CSMD1: variants seen among roughly 807,000 people sequenced by gnomAD.
CSMD1 encodes the protein CUB and sushi domain-containing protein 1.
A neutral mutation model predicts 417.5 loss-of-function variants in CSMD1; 213 were observed. The ratio of observed to expected loss-of-function variants is 0.51; its 90% CI spans 0.46 to 0.57. The LOEUF is 0.57. CSMD1 is among the 20% of genes least tolerant of loss of function. The probability of loss-of-function intolerance (pLI) is 0.00; values close to 1 mark genes in which losing one functional copy is unlikely to be tolerated. For synonymous variants in CSMD1, 2,862 were observed against 1,736.8 expected, an observed-to-expected ratio of 1.65 and a Z score of -16.11; for missense variants, 6,923 against 4,529.7, an observed-to-expected ratio of 1.53 and a Z score of -15.17.
intron 5 of CSMD1, among the ~76,000 whole-genome samples, chr8:3,841,170 G>C (rs753872666): frequency 2.6e-5 from 4 of 152,056 alleles, no homozygotes; most frequent in Admixed American, 6.6e-5. Context: ...GGTGGAAATT[G>C]TGTTTTTATG....
At chr8:3,697,148 CTTTT>C (rs1800598250) in intron 7 of CSMD1, among the ~76,000 whole-genome samples, 1 of 152,046 alleles carries the variant, frequency 6.6e-6, no homozygotes, top group African/African-American at 2.4e-5. Flanking sequence ...TCTAAATTGG[CTTTT>C]TTGTTTTTGA....
intron 3 of CSMD1, among the ~76,000 whole-genome samples, chr8:4,262,760 C>A (rs552748359): frequency 6.6e-6 from 1 of 152,176 alleles, no homozygotes; most frequent in Non-Finnish European, 1.5e-5. Flanking sequence ...TACTTCCTTG[C>A]AAACTCAGCT....
intron 2 of CSMD1, among the ~76,000 whole-genome samples, chr8:4,524,084 C>A (rs1327681014): frequency 6.6e-6 from 1 of 151,932 alleles, no homozygotes; most frequent in East Asian, 1.9e-4. Flanking sequence ...AACAACTAGA[C>A]TCTGGAATAG....
At chr8:4,952,608 C>A (rs1014022857) in intron 1 of CSMD1, among the ~76,000 whole-genome samples, 1 of 151,840 alleles carries the variant, frequency 6.6e-6, no homozygotes, top group African/African-American at 2.4e-5. Context: ...ATTCACAATT[C>A]ACAATTAGAG....
chr8:3,941,953 A>G (rs1347490042), intron 5 of CSMD1, among the ~76,000 whole-genome samples: 1 of 152,032 alleles, frequency 6.6e-6, no homozygotes, highest in African/African-American at 2.4e-5. Context: ...CCTCCTCTGT[A>G]TTTACAGCCC....
chr8:4,091,890 C>T (rs957673702), intron 3 of CSMD1, among the ~76,000 whole-genome samples: 13 of 152,074 alleles, frequency 8.5e-5, no homozygotes, highest in Non-Finnish European at 2.9e-5. Flanking sequence ...TTGTAAGAAC[C>T]GTACAGAGTT....
chr8:4,491,530 G>C (rs1030469819), intron 2 of CSMD1, among the ~76,000 whole-genome samples: 1 of 151,858 alleles, frequency 6.6e-6, no homozygotes, highest in African/African-American at 2.4e-5. Context: ...ACATTTCATA[G>C]TCTGTCTCCT....
chr8:3,568,219 G>A (rs145905423), intron 10 of CSMD1, among the ~76,000 whole-genome samples: 1 of 152,136 alleles, frequency 6.6e-6, no homozygotes, highest in Non-Finnish European at 1.5e-5. Context: ...TGTTGTGGAT[G>A]TTTGAGTATT....
chr8:4,819,782 G>A (rs1224270869), intron 1 of CSMD1, among the ~76,000 whole-genome samples: 2 of 152,070 alleles, frequency 1.3e-5, no homozygotes, highest in East Asian at 3.9e-4. Context: ...TGAAACAGGA[G>A]TCAATGCTAA....
At chr8:3,903,520 AC>A (rs1230135172) in intron 5 of CSMD1, among the ~76,000 whole-genome samples, 1 of 152,210 alleles carries the variant, frequency 6.6e-6, no homozygotes, top group Non-Finnish European at 1.5e-5. Context: ...ATATACAGAT[AC>A]AGTAATTGCC....
intron 50 of CSMD1, among the ~76,000 whole-genome samples, chr8:3,049,590 G>A (rs766853097): frequency 4.6e-5 from 7 of 151,264 alleles, no homozygotes; most frequent in African/African-American, 1.7e-4. Flanking sequence ...GCAGGAAGGC[G>A]TGAATGGGTG....
At chr8:3,073,806 G>C (rs1302370458) in intron 49 of CSMD1, among the ~76,000 whole-genome samples, 1 of 149,268 alleles carries the variant, frequency 6.7e-6, no homozygotes, top group Non-Finnish European at 1.5e-5. Flanking sequence ...AAAAAAAAAA[G>C]TATTCTCTAC....
chr8:4,477,308 G>A (rs1800856319), intron 2 of CSMD1, among the ~76,000 whole-genome samples: 1 of 152,146 alleles, frequency 6.6e-6, no homozygotes, highest in South Asian at 2.1e-4. Context: ...TCACCGTGGG[G>A]AAGCCGAGGC....
chr8:4,175,001 C>T (rs571644384), intron 3 of CSMD1, among the ~76,000 whole-genome samples: 1 of 151,576 alleles, frequency 6.6e-6, no homozygotes, highest in African/African-American at 2.4e-5. Context: ...ATTGGAATCT[C>T]TTATCTCACT....
intron 3 of CSMD1, among the ~76,000 whole-genome samples, chr8:4,146,429 C>G (rs1230841587): frequency 2.3e-4 from 34 of 150,186 alleles, no homozygotes; most frequent in Admixed American, 2.2e-3. Context: ...AGACGTGTAC[C>G]CAGGATGTGT....
In CSMD1 at chr8:3,702,449, C is replaced by T. The variant is rs561573015; in HGVS notation, c.1009+5965G>A. 2.0e-5 allele frequency among the ~76,000 whole-genome samples: 3 copies of T among 152,308 alleles called. No individual in the cohort carries two copies. In the South Asian group the frequency reaches 6.2e-4, roughly 32 times the overall value. On this transcript the variant is annotated intron_variant, in intron 7 of 69. Coordinates refer to ENST00000635120, the MANE Select transcript of CSMD1 (RefSeq NM_033225.6). ...ACAGATTATCTACTTTAGTAATCCT[C>T]ACATTGAGAGCTGCTAAAACTGGTT...
At chr8:4,147,934 G>T (rs542581120) in intron 3 of CSMD1, among the ~76,000 whole-genome samples, 1 of 152,038 alleles carries the variant, frequency 6.6e-6, no homozygotes, top group African/African-American at 2.4e-5. Context: ...ACAAACTCTG[G>T]GGTGCACCAG....
chr8:4,544,238 A>G (rs1419891766), intron 2 of CSMD1, among the ~76,000 whole-genome samples: 2 of 152,128 alleles, frequency 1.3e-5, no homozygotes, highest in East Asian at 1.9e-4. Flanking sequence ...GTGTGGTTAT[A>G]TAGTCTCGCA....
At chr8:3,206,455 GT>G (rs1797276160) in intron 30 of CSMD1, among the ~76,000 whole-genome samples, 1 of 33,936 alleles carries the variant, frequency 2.9e-5, no homozygotes, top group Non-Finnish European at 6.7e-5. Context: ...GTGTGTATGT[GT>G]GTGTGGGGGG....
Sources: allele counts gnomAD v4.1 joint callset (sites outside exome capture counted in the v4.1 genomes callset), GRCh38; gene constraint gnomAD v4.1.1; transcripts MANE v1.5; gene names NCBI Gene and HGNC (gene_info 2026-07-23, HGNC 2026-07-21).